Variants in CNTN4 observed in about 807,000 individuals in gnomAD.
The protein encoded by CNTN4 is contactin-4.
A neutral mutation model predicts 122.5 loss-of-function variants in CNTN4; 77 were observed. That is an observed-to-expected ratio of 0.63 (90% CI 0.52 to 0.76). The LOEUF (loss-of-function observed/expected upper bound fraction) is 0.76, where lower values mean the gene tolerates loss of function less well. Among genes scored for constraint, CNTN4 ranks in the 30% least tolerant of loss-of-function variants. The pLI, the probability that CNTN4 is intolerant of heterozygous loss-of-function variation, is 0.00. For missense variants in CNTN4, 1,256 were observed against 1,259.1 expected, an observed-to-expected ratio of 1.00 and a Z score of 0.04; for synonymous variants, 512 against 447.0, an observed-to-expected ratio of 1.15 and a Z score of -1.83.
chr3:3,047,888 A>G (rs1700838037), intron 23 of CNTN4, among the ~76,000 whole-genome samples: 1 of 152,098 alleles, frequency 6.6e-6, no homozygotes, highest in African/African-American at 2.4e-5. Context: ...TAGCAAGACT[A>G]ATAAAGAAGA....
chr3:2,848,052 A>G (rs1466117354), intron 7 of CNTN4, among the ~76,000 whole-genome samples: 1 of 152,160 alleles, frequency 6.6e-6, no homozygotes, highest in South Asian at 2.1e-4. Flanking sequence ...TGAACCCAGG[A>G]GCCTGGTCAA....
At chr3:2,931,614 A>C (rs1284904949) in intron 13 of CNTN4, among the ~76,000 whole-genome samples, 1 of 152,108 alleles carries the variant, frequency 6.6e-6, no homozygotes, top group Non-Finnish European at 1.5e-5. Context: ...CTATGTATTA[A>C]CTTTTAATTG....
chr3:2,879,405 C>T (rs1006636876), intron 8 of CNTN4, among the ~76,000 whole-genome samples: 1 of 152,114 alleles, frequency 6.6e-6, no homozygotes, highest in African/African-American at 2.4e-5. Flanking sequence ...TGCTTAGGGC[C>T]ACTGAGTTTG....
intron 4 of CNTN4, among the ~76,000 whole-genome samples, chr3:2,687,536 G>T (rs775627725): frequency 1.3e-5 from 2 of 152,076 alleles, no homozygotes; most frequent in African/African-American, 4.8e-5. Context: ...GGTGGCATGC[G>T]CCTGTAGTCC....
chr3:2,932,892 G>A (rs1044517964), intron 13 of CNTN4, among the ~76,000 whole-genome samples: 1 of 151,950 alleles, frequency 6.6e-6, no homozygotes, highest in African/African-American at 2.4e-5. Context: ...GCGCGATCTC[G>A]GCTCCCTGCG....
intron 3 of CNTN4, among the ~76,000 whole-genome samples, chr3:2,488,457 G>T (rs530039770): frequency 3.6e-4 from 55 of 152,168 alleles, no homozygotes; most frequent in Non-Finnish European, 7.1e-4. Flanking sequence ...AGTGTTGGGG[G>T]GTGTGTGTGC....
intron 6 of CNTN4, among the ~76,000 whole-genome samples, chr3:2,776,573 G>A (rs768573948): frequency 1.3e-5 from 2 of 152,098 alleles, no homozygotes; most frequent in East Asian, 3.9e-4. Context: ...TCTTTTACAC[G>A]TGAATTTGTG....
intron 4 of CNTN4, among the ~76,000 whole-genome samples, chr3:2,614,094 T>A (rs968270166): frequency 3.9e-5 from 6 of 152,176 alleles, no homozygotes; most frequent in African/African-American, 1.4e-4. Context: ...GAAGAGCATG[T>A]GAGAGCAGGC....
Position 2,629,253 on chromosome 3 carries a change from A to G in CNTN4, c.55+57695A>G, listed in dbSNP as rs6799405. The stretch of plus-strand genomic sequence containing the variant: ...AAGAGAAGGTGGCCATCTGCAAGCC[A>G]AGAAGAGAGCCCTCACCAGAAACCA... On this transcript the variant is annotated intron_variant, in intron 4 of 24. Coordinates refer to ENST00000418658, the MANE Select transcript of CNTN4 (RefSeq NM_175607.3). Among the ~76,000 whole-genome samples the G allele has an allele frequency of 3.7e-3, 558 of 152,282 alleles. 5 individuals are homozygous for G. The highest frequency in any genetic ancestry group is 0.012 in the African/African-American group (503 of 41,548).
In CNTN4 at chr3:2,669,821, T is replaced by A. The variant is rs184730853; in HGVS notation, c.56-66394T>A. On this transcript the variant is annotated intron_variant, in intron 4 of 24. Coordinates refer to ENST00000418658, the MANE Select transcript of CNTN4 (RefSeq NM_175607.3). Reference sequence around the variant, plus strand: ...TTGTTCTCCTTGGTTTCCAAGAACATCTTTATTTCTGCCTTCATTTCGTTA... The same window carrying A: ...TTGTTCTCCTTGGTTTCCAAGAACAACTTTATTTCTGCCTTCATTTCGTTA... Among the ~76,000 whole-genome samples the A allele has an allele frequency of 9.7e-4, 148 of 152,336 alleles. 2 individuals are homozygous for A. The East Asian group carries it at 0.024, about 25-fold the overall frequency.
In CNTN4 at chr3:3,037,326, C is replaced by A; in HGVS notation, c.2090C>A (p.Ala697Asp). The change falls in exon 18 of 25, where the codon GCT becomes GAT. Residue 697 changes from alanine to aspartate, a missense_variant and splice_region_variant. Ala to Asp is a moderately radical substitution (Grantham distance 126). Transcript: ENST00000418658. ...RPSEKRRTEE[A>D]LPEVTPANVS... ...TCAGAGAAACGGAGAACAGAAGAAG[C>A]TCGTGAGTAGCACCCGAGATTCAGA... The A allele has an allele frequency of 6.2e-7, 1 of 1,614,160 alleles. No homozygotes were observed. Among genetic ancestry groups the A allele is most frequent in the Non-Finnish European group, 8.5e-7 (1 of 1,180,032 alleles).
At chr3:2,949,091 C>T (rs566769193) in intron 13 of CNTN4, among the ~76,000 whole-genome samples, 4 of 152,220 alleles carry the variant, frequency 2.6e-5, no homozygotes, top group South Asian at 2.1e-4. Context: ...ACAATCACAC[C>T]GGCTTTGCAG....
At chr3:2,481,207 C>G (rs1351726918) in intron 3 of CNTN4, among the ~76,000 whole-genome samples, 1 of 151,612 alleles carries the variant, frequency 6.6e-6, no homozygotes, top group Non-Finnish European at 1.5e-5. Flanking sequence ...GTGGGGCGAT[C>G]TTGGCTCACT....
At chr3:2,769,812 C>T (rs569931213) in intron 6 of CNTN4, among the ~76,000 whole-genome samples, 14 of 152,234 alleles carry the variant, frequency 9.2e-5, no homozygotes, top group African/African-American at 2.9e-4. Flanking sequence ...AAATCATCAG[C>T]GGAGCCAAGG....
intron 3 of CNTN4, among the ~76,000 whole-genome samples, chr3:2,424,350 A>G (rs1017226877): frequency 1.3e-5 from 2 of 151,920 alleles, no homozygotes; most frequent in African/African-American, 2.4e-5. Flanking sequence ...TTTGCTGACA[A>G]TGATGGTTTC....
At position 2,553,141 on chromosome 3, in the gene CNTN4, G is replaced by A. The variant is rs529751217; in HGVS notation, c.-88-18275G>A. 3.9e-5 allele frequency among the ~76,000 whole-genome samples: 6 copies of A among 152,228 alleles called. No individual in the cohort carries two copies. In the East Asian group the frequency reaches 9.6e-4, roughly 24 times the overall value. On this transcript the variant is annotated intron_variant, in intron 3 of 24. Coordinates refer to ENST00000418658, the MANE Select transcript of CNTN4 (RefSeq NM_175607.3). ...AAACACCACACAAAGTAATTGGCTT[G>A]AGTTTAGGAACCATGTTTTGAAAAA...
chr3:2,882,237 CAA>C (rs1179721237), intron 8 of CNTN4, among the ~76,000 whole-genome samples: 2 of 151,900 alleles, frequency 1.3e-5, no homozygotes, highest in Non-Finnish European at 2.9e-5. Flanking sequence ...TGGTGGTGCA[CAA>C]CTGTAGTCCT....
intron 3 of CNTN4, among the ~76,000 whole-genome samples, chr3:2,472,335 G>A (rs1292374111): frequency 5.3e-5 from 8 of 151,946 alleles, no homozygotes; most frequent in Non-Finnish European, 1.2e-4. Context: ...CCACCTCCCG[G>A]GTTCAAGCGA....
Position 2,910,012 on chromosome 3 carries a change from C to T in CNTN4, c.1207+7007C>T, listed in dbSNP as rs150498994. Among the ~76,000 whole-genome samples, 355 of 152,246 alleles carry T rather than the reference C, an allele frequency of 2.3e-3. 2 individuals carry two copies. Among genetic ancestry groups the T allele is most frequent in the Middle Eastern group, 6.8e-3 (2 of 294 alleles). Reference sequence around the variant, plus strand: ...TTTGGATCAAAAAGCACTCTGAATCCGAAGTACCCCTGTATGAGAGAAAGA... The same window carrying T: ...TTTGGATCAAAAAGCACTCTGAATCTGAAGTACCCCTGTATGAGAGAAAGA... On this transcript the variant is annotated intron_variant, in intron 12 of 24. Coordinates refer to ENST00000418658, the MANE Select transcript of CNTN4 (RefSeq NM_175607.3).
Sources: gnomAD v4.1 joint callset for allele counts (sites outside exome capture counted in the v4.1 genomes callset) on GRCh38, gnomAD v4.1.1 for gene constraint, MANE v1.5 for transcripts, NCBI Gene and HGNC (gene_info 2026-07-23, HGNC 2026-07-21) for gene names.